USH2A: variants seen among roughly 807,000 people sequenced by gnomAD.
USH2A encodes usherin.
In USH2A, 443 loss-of-function variants were observed where a neutral mutation model predicts 538.9. The observed-to-expected ratio is 0.82, with a 90% CI of 0.76 to 0.89. USH2A has a LOEUF of 0.89. Among genes scored for constraint, USH2A ranks in the 40% least tolerant of loss-of-function variants. The pLI, the probability that USH2A is intolerant of heterozygous loss-of-function variation, is 0.00. For missense variants in USH2A, 6,633 were observed against 6,324.8 expected, an observed-to-expected ratio of 1.05 and a Z score of -1.65; for synonymous variants, 2,413 against 2,273.5, an observed-to-expected ratio of 1.06 and a Z score of -1.75.
intron 40 of USH2A, among the ~76,000 whole-genome samples, chr1:215,897,392 A>G (rs762439413): frequency 4.6e-5 from 7 of 152,166 alleles, no homozygotes; most frequent in Non-Finnish European, 1.0e-4. Flanking sequence ...TCTACATTGA[A>G]AATTGCACTT....
intron 4 of USH2A, among the ~76,000 whole-genome samples, chr1:216,333,109 G>A (rs1558042043): frequency 6.6e-6 from 1 of 151,838 alleles, no homozygotes. Context: ...AGCAAAGTAT[G>A]ACAATGATGC....
At chr1:215,691,121 A>C (rs908673044) in intron 61 of USH2A, among the ~76,000 whole-genome samples, 3 of 152,054 alleles carry the variant, frequency 2.0e-5, no homozygotes, top group Admixed American at 1.3e-4. Flanking sequence ...TGACCTTGTG[A>C]TGTGCCCTCC....
chr1:215,691,387 C>T lies in USH2A; in HGVS notation c.12067-11011G>A, dbSNP rs149597136. Among the ~76,000 whole-genome samples the T allele has an allele frequency of 5.4e-3, 827 of 152,270 alleles. 3 individuals carry two copies. Among genetic ancestry groups the T allele is most frequent in the African/African-American group, 0.019 (800 of 41,548 alleles). The stretch of plus-strand genomic sequence containing the variant: ...ATTTTCCCCTGGGAAAACTGCACTG[C>T]AGCCACACTAGTCTTGTTGAAAATT... On this transcript the variant is annotated intron_variant, in intron 61 of 71. Transcript: ENST00000307340.
chr1:216,245,966 G>T (rs1354893453), intron 13 of USH2A, among the ~76,000 whole-genome samples: 2 of 152,132 alleles, frequency 1.3e-5, no homozygotes, highest in Non-Finnish European at 2.9e-5. Flanking sequence ...TTATTGTAAA[G>T]AAGGTATAGT....
At chr1:216,009,670 C>T (rs1411041000) in intron 32 of USH2A, among the ~76,000 whole-genome samples, 1 of 152,020 alleles carries the variant, frequency 6.6e-6, no homozygotes, top group Non-Finnish European at 1.5e-5. Context: ...TCTGACCTCT[C>T]CCCTCCTCCC....
Position 215,993,073 on chromosome 1 carries a change from G to T in USH2A, c.6752C>A (p.Ser2251Ter). The change falls in exon 35 of 72, where the codon TCA becomes TAA. Residue 2251 changes from serine to a stop codon, truncating the protein, a stop_gained. Transcript: ENST00000307340. LOFTEE classifies it high-confidence loss of function. ...GACATTAAAGGAGTCAGGTGAATAT[G>T]AGTGGGCTTTGGGGGCTGGCACGCC... ...PEGVPAPKAH[S>*]YSPDSFNVSW... The T allele has an allele frequency of 6.2e-7, 1 of 1,614,094 alleles. No individual in the cohort carries two copies. Among genetic ancestry groups the T allele is most frequent in the Non-Finnish European group, 8.5e-7 (1 of 1,179,970 alleles).
intron 64 of USH2A, 22 bp downstream of exon 64, chr1:215,670,950 G>T (rs748706981): frequency 8.7e-6 from 14 of 1,612,530 alleles, no homozygotes; most frequent in Non-Finnish European, 7.6e-6. Context: ...AGCTCGAATT[G>T]TTTATAATAC....
intron 38 of USH2A, among the ~76,000 whole-genome samples, chr1:215,916,823 T>C (rs1020482384): frequency 1.3e-5 from 2 of 152,086 alleles, no homozygotes; most frequent in African/African-American, 4.8e-5. Context: ...CCACTTCACA[T>C]TAGCATCCAT....
intron 47 of USH2A, among the ~76,000 whole-genome samples, 176 bp from the exon 48 acceptor site, chr1:215,817,371 T>G (rs1268923695): frequency 1.3e-5 from 2 of 151,882 alleles, no homozygotes; most frequent in African/African-American, 4.8e-5. Context: ...TTTGGAAGAA[T>G]AACACATGGC....
At chr1:216,145,942 C>T (rs1210968508) in intron 21 of USH2A, among the ~76,000 whole-genome samples, 1 of 152,142 alleles carries the variant, frequency 6.6e-6, no homozygotes, top group East Asian at 1.9e-4. Flanking sequence ...CCCTTATCTC[C>T]CTTCGCTGAC....
At chr1:215,727,368 G>T (rs1166961648) in intron 61 of USH2A, among the ~76,000 whole-genome samples, 2 of 152,000 alleles carry the variant, frequency 1.3e-5, no homozygotes, top group East Asian at 3.9e-4. Flanking sequence ...TCTCTATGAG[G>T]TATGGAGGAA....
At chr1:216,201,066 A>G (rs2034987942) in intron 16 of USH2A, among the ~76,000 whole-genome samples, 1 of 140,334 alleles carries the variant, frequency 7.1e-6, no homozygotes. Context: ...CCGACAGGAG[A>G]TAGAGCTTTA....
At chr1:215,795,231 A>C (rs906974172) in intron 50 of USH2A, among the ~76,000 whole-genome samples, 2 of 152,148 alleles carry the variant, frequency 1.3e-5, no homozygotes, top group African/African-American at 2.4e-5. Flanking sequence ...TGTTTTGCAG[A>C]TTGCTAATTT....
In USH2A at chr1:216,199,647, G is replaced by A. The variant is rs773725706; in HGVS notation, c.3791C>T (p.Ser1264Phe). The change falls in exon 17 of 72, where the codon TCT becomes TTT. Residue 1264 changes from serine to phenylalanine, a missense_variant. Coordinates refer to ENST00000307340, the MANE Select transcript of USH2A (RefSeq NM_206933.4). ...ISSTELHVEW[S>F]PPAELNGIII... The stretch of plus-strand genomic sequence containing the variant: ...CTTACCATTTAGTTCCGCTGGTGGA[G>A]ACCATTCTACATGAAGTTCTGTAGA... 6.2e-7 allele frequency: 1 copy of A among 1,613,942 alleles called. No individual in the cohort carries two copies. Among genetic ancestry groups the A allele is most frequent in the African/African-American group, 1.3e-5 (1 of 74,928 alleles).
chr1:215,977,481 G>T (rs1371954138), intron 35 of USH2A, among the ~76,000 whole-genome samples: 2 of 150,106 alleles, frequency 1.3e-5, no homozygotes, highest in African/African-American at 2.5e-5. Context: ...CAAAATTATA[G>T]AATACTTAAA....
At chr1:215,961,107 A>G (rs1667188884) in intron 37 of USH2A, among the ~76,000 whole-genome samples, 1 of 152,018 alleles carries the variant, frequency 6.6e-6, no homozygotes, top group African/African-American at 2.4e-5. Flanking sequence ...TCTTAGCAGC[A>G]AAAAAACTTC....
At chr1:215,912,350 C>T (rs917163053) in intron 38 of USH2A, among the ~76,000 whole-genome samples, 1 of 151,478 alleles carries the variant, frequency 6.6e-6, no homozygotes, top group Non-Finnish European at 1.5e-5. Flanking sequence ...CTTAAGTTTT[C>T]AACCAATTTT....
intron 11 of USH2A, among the ~76,000 whole-genome samples, chr1:216,281,865 G>GTTTTTTTTTTTTTTTTTTTTTTTTTTTTT (rs766030449): frequency 2.1e-5 from 2 of 96,474 alleles, no homozygotes; most frequent in Non-Finnish European, 3.9e-5. Flanking sequence ...GTTTTTGTCT[G>GTTTTTTTTTTTTTTTTTTTTTTTTTTTTT]TTTTTTTTTT....
At chr1:216,310,097 A>C (rs978886295) in intron 9 of USH2A, among the ~76,000 whole-genome samples, 1 of 152,088 alleles carries the variant, frequency 6.6e-6, no homozygotes, top group African/African-American at 2.4e-5. Flanking sequence ...TCATTCTAAC[A>C]ATCTCTCTCT....
Sources: allele counts gnomAD v4.1 joint callset (sites outside exome capture counted in the v4.1 genomes callset), GRCh38; gene constraint gnomAD v4.1.1; transcripts MANE v1.5; gene names NCBI Gene and HGNC (gene_info 2026-07-23, HGNC 2026-07-21).